DNAH14: variants seen among roughly 807,000 people sequenced by gnomAD.
The protein encoded by DNAH14 is axonemal beta dynein heavy chain 14.
Under a neutral mutation model 520.9 loss-of-function variants are expected in DNAH14, and 478 were observed. That is an observed-to-expected ratio of 0.92 (90% CI 0.85 to 0.99). The LOEUF (loss-of-function observed/expected upper bound fraction) is 0.99. Ranked by LOEUF, DNAH14 falls within the 50% of genes least tolerant of loss-of-function variation. The probability of loss-of-function intolerance (pLI) is 0.00; values close to 1 mark genes in which losing one functional copy is unlikely to be tolerated. For missense variants in DNAH14, 4,831 were observed against 5,234.5 expected, an observed-to-expected ratio of 0.92 and a Z score of 2.38; for synonymous variants, 1,581 against 1,757.2, an observed-to-expected ratio of 0.90 and a Z score of 2.51.
In DNAH14 at chr1:225,043,001, A is replaced by G. The variant is rs2067613136; in HGVS notation, c.1655A>G (p.Asp552Gly). 6.4e-7 allele frequency: 1 copy of G among 1,551,962 alleles called. No individual in the cohort carries two copies. The highest frequency in any genetic ancestry group is 1.2e-5 in the South Asian group (1 of 84,064). The change falls in exon 13 of 86, where the codon GAT becomes GGT. Residue 552 changes from aspartate to glycine, a missense_variant. By Grantham distance (94) the Asp-to-Gly change is moderately conservative (BLOSUM62 -1). Coordinates refer to ENST00000682510, the MANE Select transcript of DNAH14 (RefSeq NM_001367479.1). ...QCPEECVMFE[D>G]EMSENKDNCV... Reference sequence around the variant, plus strand: ...CCTGAAGAGTGTGTGATGTTTGAAGATGAAATGTCAGAAAATAAAGACAAT... The same window carrying G: ...CCTGAAGAGTGTGTGATGTTTGAAGGTGAAATGTCAGAAAATAAAGACAAT...
intron 52 of DNAH14, among the ~76,000 whole-genome samples, chr1:225,274,713 G>A (rs1033983055): frequency 3.3e-5 from 5 of 152,108 alleles, no homozygotes; most frequent in Admixed American, 6.5e-5. Context: ...AAATACTTAC[G>A]GAATTGGGTC....
At chr1:225,336,052 T>TATGTATATAC (rs1553337806) in intron 66 of DNAH14, among the ~76,000 whole-genome samples, 1 of 141,940 alleles carries the variant, frequency 7.0e-6, no homozygotes, top group Non-Finnish European at 1.5e-5. Flanking sequence ...TATGCATATA[T>TATGTATATAC]ACATATATGT....
intron 7 of DNAH14, among the ~76,000 whole-genome samples, chr1:224,970,125 A>G (rs543434826): frequency 6.6e-6 from 1 of 152,312 alleles, no homozygotes; most frequent in South Asian, 2.1e-4. Context: ...TCAGCAAGGA[A>G]CATCCCTGAG....
intron 42 of DNAH14, among the ~76,000 whole-genome samples, chr1:225,238,308 T>G (rs1428967486): frequency 6.6e-6 from 1 of 152,188 alleles, no homozygotes; most frequent in Non-Finnish European, 1.5e-5. Context: ...GGGGTATTTT[T>G]GTTGATGTTA....
chr1:224,947,699 G>A (rs904904560), intron 1 of DNAH14, among the ~76,000 whole-genome samples: 15 of 151,740 alleles, frequency 9.9e-5, no homozygotes, highest in African/African-American at 2.2e-4. Context: ...GTATATTTAC[G>A]TATGAGTACC....
intron 12 of DNAH14, among the ~76,000 whole-genome samples, chr1:225,041,721 A>G (rs1050673793): frequency 1.9e-5 from 2 of 103,058 alleles, no homozygotes; most frequent in Non-Finnish European, 4.7e-5. Context: ...TTACATTTAA[A>G]GAATGATTTA....
intron 77 of DNAH14, among the ~76,000 whole-genome samples, chr1:225,368,953 G>A (rs1329052982): frequency 1.3e-5 from 2 of 152,138 alleles, no homozygotes; most frequent in African/African-American, 4.8e-5. Flanking sequence ...GTACGCTTCT[G>A]TCAAGGCCTT....
At chr1:225,389,213 T>G (rs1420592641) in intron 82 of DNAH14, among the ~76,000 whole-genome samples, 1 of 152,208 alleles carries the variant, frequency 6.6e-6, no homozygotes, top group East Asian at 1.9e-4. Flanking sequence ...CCCTGTGATG[T>G]GAAGTAGGTG....
chr1:225,145,137 A>G (rs2079817352), intron 29 of DNAH14, among the ~76,000 whole-genome samples, 189 bp from the exon 30 acceptor site: 1 of 152,172 alleles, frequency 6.6e-6, no homozygotes, highest in South Asian at 2.1e-4. Context: ...AATCAACTGA[A>G]CTGTAACAGT....
chr1:225,301,549 A>G lies in DNAH14; in HGVS notation c.8631+519A>G, dbSNP rs187893369. 1.2e-3 allele frequency among the ~76,000 whole-genome samples: 181 copies of G among 152,274 alleles called. 2 individuals are homozygous for G. Among genetic ancestry groups the G allele is most frequent in the Middle Eastern group, 6.8e-3 (2 of 294 alleles). On this transcript the variant is annotated intron_variant, in intron 56 of 85. Transcript: ENST00000682510. ...TGTGAACAAACTGGTTTGATGAGAGATATAGATTAGTCAAAATGAACTCAA... is the reference window on the plus strand; with the variant it reads ...TGTGAACAAACTGGTTTGATGAGAGGTATAGATTAGTCAAAATGAACTCAA...
chr1:224,944,328 G>C (rs1028953860), intron 1 of DNAH14, among the ~76,000 whole-genome samples: 11 of 151,336 alleles, frequency 7.3e-5, no homozygotes, highest in Admixed American at 4.6e-4. Context: ...CCCTTTTTTT[G>C]TTTTCCATTT....
At chr1:225,317,122 C>T (rs1304779345) in intron 60 of DNAH14, among the ~76,000 whole-genome samples, 2 of 152,100 alleles carry the variant, frequency 1.3e-5, no homozygotes, top group African/African-American at 2.4e-5. Context: ...ACCAGTTTTC[C>T]ATCAATGTCC....
intron 66 of DNAH14, among the ~76,000 whole-genome samples, chr1:225,335,842 CAT>C (rs2095002461): frequency 2.1e-5 from 2 of 93,696 alleles, no homozygotes; most frequent in African/African-American, 8.3e-5. Context: ...CATATATGTA[CAT>C]ACACATATGT....
At chr1:225,358,725 A>T in intron 74 of DNAH14, 73 bp downstream of exon 74, 1 of 1,445,274 alleles carries the variant, frequency 6.9e-7, no homozygotes, top group Non-Finnish European at 9.3e-7. Flanking sequence ...CTTACCTTGA[A>T]TTGTAATCCC....
intron 10 of DNAH14, among the ~76,000 whole-genome samples, chr1:225,012,462 T>A (rs1165617578): frequency 6.6e-6 from 1 of 152,108 alleles, no homozygotes; most frequent in Non-Finnish European, 1.5e-5. Flanking sequence ...ATCTCTGTGG[T>A]GTTCTCTGTA....
In DNAH14 at chr1:225,154,438, G is replaced by A. The variant is rs371938211; in HGVS notation, c.5273+612G>A. Among the ~76,000 whole-genome samples, 39 of 152,032 alleles carry A rather than the reference G, an allele frequency of 2.6e-4. 1 individual carries two copies. In the South Asian group the frequency reaches 6.2e-3, roughly 24 times the overall value. On this transcript the variant is annotated intron_variant, in intron 34 of 85. Coordinates refer to ENST00000682510, the MANE Select transcript of DNAH14 (RefSeq NM_001367479.1). ...ATATTAAAAAGCAAGAGTAATGAAG[G>A]GGAGATATCCCTTTATGTATTAAGA...
chr1:225,256,649 A>C (rs568203840), intron 44 of DNAH14, among the ~76,000 whole-genome samples: 121 of 152,288 alleles, frequency 7.9e-4, no homozygotes, highest in Non-Finnish European at 1.2e-3. Flanking sequence ...CATGAAGTAA[A>C]GATAATTCCA....
chr1:225,233,879 G>A (rs2091344012), intron 42 of DNAH14, among the ~76,000 whole-genome samples: 1 of 152,084 alleles, frequency 6.6e-6, no homozygotes, highest in South Asian at 2.1e-4. Flanking sequence ...TATTCTGAAT[G>A]GTATTTGCCT....
chr1:225,347,585 GT>G (rs2095305909), intron 71 of DNAH14, among the ~76,000 whole-genome samples: 1 of 152,268 alleles, frequency 6.6e-6, no homozygotes, highest in East Asian at 1.9e-4. Context: ...TGGCATCAGA[GT>G]TTGGAAGCCA....
Sources: gnomAD v4.1 joint callset for allele counts (sites outside exome capture counted in the v4.1 genomes callset) on GRCh38, gnomAD v4.1.1 for gene constraint, MANE v1.5 for transcripts, NCBI Gene and HGNC (gene_info 2026-07-23, HGNC 2026-07-21) for gene names.